ITSN2: variants seen among roughly 807,000 people sequenced by gnomAD.
The protein encoded by ITSN2 is intersectin 2.
In ITSN2, 156 loss-of-function variants were observed where a neutral mutation model predicts 243.7. That is an observed-to-expected ratio of 0.64 (90% CI 0.56 to 0.73). The LOEUF (loss-of-function observed/expected upper bound fraction) is 0.73. Ranked by LOEUF, ITSN2 falls within the 30% of genes least tolerant of loss-of-function variation. The probability of loss-of-function intolerance (pLI) is 0.00; values close to 1 mark genes in which losing one functional copy is unlikely to be tolerated. For synonymous variants in ITSN2, 703 were observed against 699.9 expected, an observed-to-expected ratio of 1.00 and a Z score of -0.07; for missense variants, 1,801 against 1,996.1, an observed-to-expected ratio of 0.90 and a Z score of 1.86.
chr2:24,326,050 A>G (rs931173076), intron 2 of ITSN2, among the ~76,000 whole-genome samples: 3 of 152,186 alleles, frequency 2.0e-5, no homozygotes, highest in Admixed American at 2.0e-4. Context: ...AGAGGAGCAA[A>G]GTTTTGTACT....
intron 2 of ITSN2, among the ~76,000 whole-genome samples, chr2:24,318,229 T>C (rs1684149014): frequency 6.6e-6 from 1 of 152,162 alleles, no homozygotes; most frequent in African/African-American, 2.4e-5. Flanking sequence ...CACTGCAGCC[T>C]TGACATCCCA....
At chr2:24,293,076 A>C (rs1462449944) in intron 15 of ITSN2, among the ~76,000 whole-genome samples, 1 of 152,234 alleles carries the variant, frequency 6.6e-6, no homozygotes, top group Non-Finnish European at 1.5e-5. Context: ...TATAGTATCC[A>C]ATACAGAGAA....
intron 18 of ITSN2, among the ~76,000 whole-genome samples, chr2:24,272,659 C>T (rs913134310): frequency 1.8e-4 from 28 of 152,166 alleles, no homozygotes; most frequent in Non-Finnish European, 3.8e-4. Flanking sequence ...TGGTCTGGAA[C>T]TCCTGGCCTC....
intron 34 of ITSN2, chr2:24,210,358 C>T (rs185392327): frequency 2.5e-4 from 85 of 339,552 alleles, no homozygotes; most frequent in Admixed American, 4.0e-4. Context: ...TGCCTGCAAT[C>T]CCAGCACTGT....
chr2:24,307,800 T>C (rs1191766951), intron 8 of ITSN2, among the ~76,000 whole-genome samples: 9 of 152,206 alleles, frequency 5.9e-5, no homozygotes, highest in African/African-American at 2.2e-4. Context: ...CATGTATTTT[T>C]TGCTCTTAAT....
chr2:24,347,836 G>A (rs979971560), intron 1 of ITSN2, among the ~76,000 whole-genome samples: 1 of 151,996 alleles, frequency 6.6e-6, no homozygotes, highest in African/African-American at 2.4e-5. Flanking sequence ...CTTTTGGGAG[G>A]CCAACGCGGG....
chr2:24,224,799 T>A (rs1207430104), intron 29 of ITSN2, among the ~76,000 whole-genome samples: 2 of 152,164 alleles, frequency 1.3e-5, no homozygotes, highest in Non-Finnish European at 1.5e-5. Context: ...CCAGCTAATT[T>A]TTGTATCTTT....
intron 8 of ITSN2, 48 bp from the exon 9 acceptor site, chr2:24,303,910 G>A (rs755787784): frequency 8.1e-7 from 1 of 1,235,138 alleles, no homozygotes; most frequent in Non-Finnish European, 1.2e-6. Flanking sequence ...CATCTTTAAA[G>A]TTATGCATAA....
chr2:24,206,401 C>T (rs977789014), intron 37 of ITSN2: 2 of 252,514 alleles, frequency 7.9e-6, no homozygotes, highest in Non-Finnish European at 1.6e-5. Flanking sequence ...AGGGGGCCGG[C>T]GGGGAGGAAG....
chr2:24,203,958 T>C (rs1668576045), intron 39 of ITSN2, 175 bp from the exon 40 acceptor site: 1 of 665,134 alleles, frequency 1.5e-6, no homozygotes, highest in Non-Finnish European at 2.5e-6. Flanking sequence ...CAGGTTTGTG[T>C]GTGAGAAGCT....
chr2:24,324,978 T>C (rs1025840087), intron 2 of ITSN2, among the ~76,000 whole-genome samples: 1 of 151,984 alleles, frequency 6.6e-6, no homozygotes, highest in African/African-American at 2.4e-5. Flanking sequence ...TTATCATGAT[T>C]AATGTAACCA....
chr2:24,291,657 T>A (rs540014104), intron 15 of ITSN2, among the ~76,000 whole-genome samples: 1 of 152,138 alleles, frequency 6.6e-6, no homozygotes, highest in African/African-American at 2.4e-5. Context: ...GCCCAGCTAA[T>A]TTTTGTATTT....
At chr2:24,342,298 C>T (rs1486772025) in intron 1 of ITSN2, among the ~76,000 whole-genome samples, 5 of 151,936 alleles carry the variant, frequency 3.3e-5, no homozygotes, top group East Asian at 1.9e-4. Flanking sequence ...CCCAGGCTCA[C>T]GTGATTCTCC....
At chr2:24,356,345 C>CAA (rs70944743) in intron 1 of ITSN2, among the ~76,000 whole-genome samples, 1 of 109,392 alleles carries the variant, frequency 9.1e-6, no homozygotes, top group Non-Finnish European at 1.9e-5. Context: ...GACCCTGTCT[C>CAA]AAAAAAAAAA....
chr2:24,246,343 AC>A, intron 28 of ITSN2, 23 bp from the exon 29 acceptor site: 1 of 1,428,174 alleles, frequency 7.0e-7, no homozygotes, highest in African/African-American at 1.4e-5. Context: ...TAACAAAATA[AC>A]ACATTAAACA....
intron 22 of ITSN2, 82 bp from the exon 23 acceptor site, chr2:24,258,175 G>C: frequency 1.0e-6 from 1 of 1,003,020 alleles, no homozygotes; most frequent in Non-Finnish European, 1.5e-6. Context: ...CATACTTACT[G>C]TTCAAACAGC....
At chr2:24,353,938 G>T (rs1463308980) in intron 1 of ITSN2, among the ~76,000 whole-genome samples, 1 of 152,134 alleles carries the variant, frequency 6.6e-6, no homozygotes, top group Non-Finnish European at 1.5e-5. Context: ...TATGATATGT[G>T]AATTAAATCT....
chr2:24,208,202 G>T (rs1197322460), intron 37 of ITSN2, 35 bp downstream of exon 37: 1 of 1,569,500 alleles, frequency 6.4e-7, no homozygotes, highest in South Asian at 1.1e-5. Context: ...TAGGGCCCCT[G>T]GGGGCTGCGT....
chr2:24,213,343 G>GC (rs371102300), intron 32 of ITSN2, among the ~76,000 whole-genome samples: 139 of 152,280 alleles, frequency 9.1e-4, no homozygotes, highest in African/African-American at 3.3e-3. Flanking sequence ...CAGGCCCAGG[G>GC]CCCACATCCT....
Sources: gnomAD v4.1 joint callset for allele counts (sites outside exome capture counted in the v4.1 genomes callset) on GRCh38, gnomAD v4.1.1 for gene constraint, MANE v1.5 for transcripts, NCBI Gene and HGNC (gene_info 2026-07-23, HGNC 2026-07-21) for gene names.